The following SLCO1A2 variants were observed in gnomAD, a reference collection of about 807,000 sequenced individuals.
The protein encoded by SLCO1A2 is solute carrier organic anion transporter family member 1A2.
SLCO1A2 carries 67 observed loss-of-function variants against 69.0 expected under a neutral mutation model. That is an observed-to-expected ratio of 0.97 (90% CI 0.80 to 1.19). The LOEUF (loss-of-function observed/expected upper bound fraction) is 1.19. Ranked by LOEUF, SLCO1A2 falls within the 50% of genes most tolerant of loss-of-function variation. The pLI, the probability that SLCO1A2 is intolerant of heterozygous loss-of-function variation, is 0.00. For synonymous variants in SLCO1A2, 260 were observed against 265.9 expected (o/e 0.98, Z 0.22); for missense variants, 787 against 793.7 (o/e 0.99, Z 0.10).
chr12:21,410,315 G>T lies in SLCO1A2; in HGVS notation c.-312+7567C>A, dbSNP rs1354991133. On this transcript the variant is annotated intron_variant, in intron 1 of 4. Transcript: ENST00000413682. ...AGAGAGACAGAATGCATGTGTGCCTGTGTGTATGTGTGTTTAATTGCTTTA... is the reference window on the plus strand; with the variant it reads ...AGAGAGACAGAATGCATGTGTGCCTTTGTGTATGTGTGTTTAATTGCTTTA... Among the ~76,000 whole-genome samples the T allele has an allele frequency of 2.0e-5, 3 of 152,196 alleles. No homozygotes were observed. In the East Asian group the frequency reaches 5.8e-4, roughly 29 times the overall value.
chr12:21,344,278 C>G (rs1444034709), intron 2 of SLCO1A2, among the ~76,000 whole-genome samples: 1 of 151,950 alleles, frequency 6.6e-6, no homozygotes, highest in South Asian at 2.1e-4. Context: ...ACAATATAAT[C>G]CAAGGAAGAG....
chr12:21,369,430 G>C (rs186372476), intron 2 of SLCO1A2, among the ~76,000 whole-genome samples: 1 of 152,140 alleles, frequency 6.6e-6, no homozygotes, highest in African/African-American at 2.4e-5. Context: ...AAATATCCTG[G>C]GACAGGCAGA....
intron 12 of SLCO1A2, among the ~76,000 whole-genome samples, chr12:21,284,517 C>G (rs1262333030): frequency 2.0e-5 from 3 of 151,592 alleles, no homozygotes; most frequent in Non-Finnish European, 4.4e-5. Context: ...TAATAGACAT[C>G]TACAGAATTC....
intron 2 of SLCO1A2, among the ~76,000 whole-genome samples, chr12:21,347,550 C>G (rs568420554): frequency 6.6e-6 from 1 of 152,144 alleles, no homozygotes; most frequent in African/African-American, 2.4e-5. Flanking sequence ...GAGGCTGAGA[C>G]AGGAGAATTT....
intron 8 of SLCO1A2, among the ~76,000 whole-genome samples, chr12:21,299,986 ATG>A (rs1314252627): frequency 6.2e-5 from 9 of 145,636 alleles, no homozygotes; most frequent in African/African-American, 2.1e-4. Context: ...ATGTGTATAT[ATG>A]TGTGTAGATA....
At chr12:21,366,680 C>T (rs1228087171) in intron 2 of SLCO1A2, among the ~76,000 whole-genome samples, 1 of 151,832 alleles carries the variant, frequency 6.6e-6, no homozygotes, top group Non-Finnish European at 1.5e-5. Flanking sequence ...AAATAGCATC[C>T]TCAGAGATAA....
At chr12:21,355,523 T>A (rs371459243) in intron 2 of SLCO1A2, among the ~76,000 whole-genome samples, 1 of 152,148 alleles carries the variant, frequency 6.6e-6, no homozygotes, top group Non-Finnish European at 1.5e-5. Context: ...AGACCTAAAC[T>A]TTGAGTCTGT....
At chr12:21,271,942 C>T (rs989897931) in intron 14 of SLCO1A2, among the ~76,000 whole-genome samples, 49 of 150,762 alleles carry the variant, frequency 3.3e-4, no homozygotes, top group African/African-American at 1.2e-3. Flanking sequence ...GTTGGCTTAG[C>T]TTCATCCCAC....
At chr12:21,391,154 C>T (rs1327102743) in intron 1 of SLCO1A2, among the ~76,000 whole-genome samples, 1 of 152,114 alleles carries the variant, frequency 6.6e-6, no homozygotes, top group Non-Finnish European at 1.5e-5. Flanking sequence ...ATAGTTCATA[C>T]TGAATTTAGA....
At chr12:21,314,745 C>A in intron 3 of SLCO1A2, 64 bp from the exon 4 acceptor site, 6 of 1,215,078 alleles carry the variant, frequency 4.9e-6, no homozygotes, top group Non-Finnish European at 7.2e-6. Context: ...AAGAGCCTCA[C>A]CCAATCATTT....
chr12:21,290,389 C>A (rs10841787), intron 12 of SLCO1A2, among the ~76,000 whole-genome samples: 55,318 of 151,696 alleles, frequency 0.36, 11,125 homozygotes, highest in African/African-American at 0.55. Context: ...GTGGGTGAGG[C>A]AAAGTTACCA....
rs1946978325 is a variant in SLCO1A2 at position 21,292,227 on chromosome 12, A to G, written c.1547T>C (p.Leu516Ser). 2 of 1,612,904 alleles carry G rather than the reference A, an allele frequency of 1.2e-6. No homozygotes were observed. Among genetic ancestry groups the G allele is most frequent in the Non-Finnish European group, 1.7e-6 (2 of 1,179,268 alleles). ...ATAAATGAAACTGCTCATCGCTGAC[A>G]AGATTAGGAAGTACTGGAGCATCAA... ...CSLMLQYFLI[L>S]SAMSSFIYSL... The change falls in exon 12 of 15, where the codon TTG becomes TCG. Residue 516 changes from leucine to serine, a missense_variant. By Grantham distance (145) the Leu-to-Ser change is moderately radical. Transcript: ENST00000683939.
At chr12:21,358,201 T>C (rs1480097369) in intron 2 of SLCO1A2, among the ~76,000 whole-genome samples, 1 of 152,218 alleles carries the variant, frequency 6.6e-6, no homozygotes. Flanking sequence ...CTCTAGATTG[T>C]TCTCTGGCAA....
chr12:21,293,910 A>G, intron 11 of SLCO1A2, 35 bp downstream of exon 11: 1 of 1,566,918 alleles, frequency 6.4e-7, no homozygotes, highest in Non-Finnish European at 8.6e-7. Flanking sequence ...GTACCAATGC[A>G]ACTCAAAAAA....
intron 2 of SLCO1A2, chr12:21,373,405 C>G: frequency 1.2e-6 from 2 of 1,613,116 alleles, no homozygotes; most frequent in Non-Finnish European, 1.7e-6. Flanking sequence ...TTGCATTGAA[C>G]CATCTGAAAG....
chr12:21,332,375 C>G (rs957734706), intron 2 of SLCO1A2, among the ~76,000 whole-genome samples: 2 of 151,894 alleles, frequency 1.3e-5, no homozygotes, highest in Non-Finnish European at 2.9e-5. Flanking sequence ...TTGTGGAGAC[C>G]AAGGTTTTAT....
chr12:21,288,308 G>T (rs1355850566), intron 12 of SLCO1A2, among the ~76,000 whole-genome samples: 6 of 152,148 alleles, frequency 3.9e-5, no homozygotes, highest in Admixed American at 2.0e-4. Context: ...GGGTGTGGTG[G>T]TGCATGCCTG....
Position 21,319,535 on chromosome 12 carries a change from C to T in SLCO1A2, c.61-612G>A, listed in dbSNP as rs888987388. 1.2e-5 allele frequency: 14 copies of T among 1,206,712 alleles called. No homozygotes were observed. In the African/African-American group the frequency reaches 1.4e-4, roughly 12 times the overall value. 74.8% of individuals were successfully genotyped at this position (1,206,712 alleles called of 1,614,324 possible). A position where few individuals can be genotyped will look rare whatever the true frequency, so the allele number is the denominator to read the frequency against. On this transcript the variant is annotated intron_variant, in intron 2 of 14. Coordinates refer to ENST00000683939, the MANE Select transcript of SLCO1A2 (RefSeq NM_001386879.1). The stretch of plus-strand genomic sequence containing the variant: ...TTGAGCTCAGCAATCCCAGTTGTGT[C>T]TAAGGCATATAAGCCCAGGACAGAG...
chr12:21,378,291 G>T, intron 1 of SLCO1A2: 1 of 1,614,174 alleles, frequency 6.2e-7, no homozygotes, highest in Non-Finnish European at 8.5e-7. Context: ...CGCAGCGCCT[G>T]GCAAATTTTT....
Sources: allele counts gnomAD v4.1 joint callset (sites outside exome capture counted in the v4.1 genomes callset), GRCh38; gene constraint gnomAD v4.1.1; transcripts MANE v1.5; gene names NCBI Gene and HGNC (gene_info 2026-07-23, HGNC 2026-07-21).